The following LRP5 variants were observed in gnomAD, a reference collection of about 807,000 sequenced individuals.
The protein encoded by LRP5 is low-density lipoprotein receptor-related protein 5.
In LRP5, 62 loss-of-function variants were observed where a neutral mutation model predicts 154.1. The ratio of observed to expected loss-of-function variants is 0.40; its 90% CI spans 0.33 to 0.50. The LOEUF is 0.50. Ranked by LOEUF, LRP5 falls within the 20% of genes least tolerant of loss-of-function variation. The probability of loss-of-function intolerance (pLI) is 0.55; values close to 1 mark genes in which losing one functional copy is unlikely to be tolerated. For synonymous variants in LRP5, 966 were observed against 1,011.5 expected (o/e 0.96, Z 0.85); for missense variants, 1,915 against 2,336.7 (o/e 0.82, Z 3.72).
rs2098620540 is a variant in LRP5, at chr11:68,353,556, G to A, written c.489-4094G>A. 6.6e-6 allele frequency among the ~76,000 whole-genome samples: 1 copy of A among 152,180 alleles called. No homozygotes were observed. On this transcript the variant is annotated intron_variant, in intron 2 of 22. Coordinates refer to ENST00000294304, the MANE Select transcript of LRP5 (RefSeq NM_002335.4). This position sits in a 1 kb window ranked among gnomAD's most constrained non-coding sequence, Gnocchi z 4.5. ...GGCATAAGTGTGGGCGCTGAGTCCT[G>A]GGGCAGGACTGCTGTCCTGAGAGTG...
intron 4 of LRP5, 35 bp downstream of exon 4, chr11:68,363,978 G>A (rs778735083): frequency 8.4e-6 from 10 of 1,193,702 alleles, no homozygotes; most frequent in African/African-American, 1.6e-5. Context: ...GCGAGGGTGC[G>A]GGGGCTGGGG....
chr11:68,321,400 C>T (rs1048007614), intron 1 of LRP5, among the ~76,000 whole-genome samples: 5 of 152,178 alleles, frequency 3.3e-5, no homozygotes, highest in East Asian at 1.9e-4. Context: ...ACTTCAGAGC[C>T]GTCCTATCAG....
At chr11:68,388,619 C>T (rs1424552823) in intron 6 of LRP5, among the ~76,000 whole-genome samples, 1 of 152,164 alleles carries the variant, frequency 6.6e-6, no homozygotes, top group East Asian at 1.9e-4. Context: ...CTGTCCTTTG[C>T]ATAGGGGAGC....
At chr11:68,310,555 G>T (rs1191604833), upstream of LRP5, among the ~76,000 whole-genome samples, 1 of 152,210 alleles carries the variant, frequency 6.6e-6, no homozygotes, top group East Asian at 1.9e-4. Context: ...GGGAGGCAGA[G>T]GTTGTGGTGA....
At chr11:68,437,801 C>T (rs2098675856) in intron 19 of LRP5, among the ~76,000 whole-genome samples, 2 of 152,264 alleles carry the variant, frequency 1.3e-5, no homozygotes, top group South Asian at 4.1e-4. Flanking sequence ...TGGGCAAGTT[C>T]CCAGTCTGAC....
At chr11:68,342,473 G>A (rs1001151324) in intron 1 of LRP5, among the ~76,000 whole-genome samples, 2 of 152,202 alleles carry the variant, frequency 1.3e-5, no homozygotes, top group Non-Finnish European at 2.9e-5. Context: ...TGCTGGGGAA[G>A]GGCAGGGGCC....
the LRP5 span, among the ~76,000 whole-genome samples, chr11:68,304,966 T>A: frequency 6.6e-6 from 1 of 152,130 alleles, no homozygotes; most frequent in Admixed American, 6.6e-5. Context: ...GGAATGGGAT[T>A]TTTGAGTTAA....
intron 5 of LRP5, among the ~76,000 whole-genome samples, chr11:68,370,798 G>A (rs1186411532): frequency 6.6e-6 from 1 of 152,228 alleles, no homozygotes; most frequent in Admixed American, 6.5e-5. Context: ...TCTGGGCCGG[G>A]AACGTCCACA....
At chr11:68,322,924 C>T (rs74876779) in intron 1 of LRP5, among the ~76,000 whole-genome samples, 1,945 of 152,326 alleles carry the variant, frequency 0.013, 38 homozygotes, top group African/African-American at 0.044. Context: ...CCCGGGTCCA[C>T]GTGGTACCCA....
chr11:68,378,542 C>G lies in LRP5; in HGVS notation c.1016-7774C>G, dbSNP rs61887830. On this transcript the variant is annotated intron_variant, in intron 5 of 22. Transcript: ENST00000294304. ...ACCCACCTCCCACCTCCCTTAGAGA[C>G]CGAGAGCCTCTAAGGATAAACCCAT... Among the ~76,000 whole-genome samples the G allele has an allele frequency of 2.5e-3, 376 of 152,240 alleles. 1 individual carries two copies. The highest frequency in any genetic ancestry group is 6.8e-3 in the Middle Eastern group (2 of 294).
At chr11:68,324,480 C>T (rs1382964578) in intron 1 of LRP5, among the ~76,000 whole-genome samples, 2 of 152,146 alleles carry the variant, frequency 1.3e-5, no homozygotes, top group Admixed American at 6.5e-5. Flanking sequence ...CGAGGGCTCA[C>T]GGATTCTCAC....
Position 68,348,067 on chromosome 11 carries a change from C to T in LRP5, c.312C>T (p.Ile104=). The T allele has an allele frequency of 1.9e-6, 3 of 1,614,124 alleles. No homozygotes were observed. The highest frequency in any genetic ancestry group is 2.5e-6 in the Non-Finnish European group (3 of 1,180,048). Reference sequence around the variant, plus strand: ...GGGCCGCCGTGCAGAACGTGGTCATCTCCGGCCTGGTCTCTCCCGACGGCC... The same window carrying T: ...GGGCCGCCGTGCAGAACGTGGTCATTTCCGGCCTGGTCTCTCCCGACGGCC... The part of the protein sequence containing the change: ...QTGAAVQNVV[I]SGLVSPDGLA... Residue 104 remains isoleucine (I), a synonymous_variant, in exon 2 of 23, where the codon ATC becomes ATT. Coordinates refer to ENST00000294304, the MANE Select transcript of LRP5 (RefSeq NM_002335.4).
chr11:68,307,879 C>T (rs1474347888), upstream of LRP5, among the ~76,000 whole-genome samples: 1 of 152,174 alleles, frequency 6.6e-6, no homozygotes, highest in African/African-American at 2.4e-5. Flanking sequence ...ATTGGAGGTT[C>T]ACATCAGCAC....
intron 5 of LRP5, among the ~76,000 whole-genome samples, chr11:68,375,788 C>G (rs656583): frequency 0.93 from 141,306 of 152,286 alleles, 66,442 homozygotes; most frequent in East Asian, 1. Context: ...CTCTGGGGAT[C>G]TGATTGAACG....
Position 68,410,059 on chromosome 11 carries a change from G to T in LRP5, c.2237G>T (p.Arg746Leu), listed in dbSNP as rs766548006. Reference sequence around the variant, plus strand: ...GGGACCAACAGAATCGAAGTGGCGCGGCTGGACGGGCAGTTCCGGCAAGTC... The same window carrying T: ...GGGACCAACAGAATCGAAGTGGCGCTGCTGGACGGGCAGTTCCGGCAAGTC... ...DTGTNRIEVA[R>L]LDGQFRQVLV... Residue 746 changes from arginine to leucine, a missense_variant, in exon 10 of 23, where the codon CGG (arginine) becomes CTG (leucine). Arg to Leu is a moderately radical substitution (Grantham distance 102, BLOSUM62 -2). Transcript: ENST00000294304. 6.2e-7 allele frequency: 1 copy of T among 1,614,012 alleles called. No individual in the cohort carries two copies. Among genetic ancestry groups the T allele is most frequent in the East Asian group, 2.2e-5 (1 of 44,880 alleles).
At chr11:68,407,094 C>T (rs967530448) in intron 9 of LRP5, among the ~76,000 whole-genome samples, 16 of 152,056 alleles carry the variant, frequency 1.1e-4, no homozygotes, top group Middle Eastern at 3.4e-3. Flanking sequence ...ACTCCCTTGT[C>T]GGTGCCCGTT....
chr11:68,397,680 G>A (rs1344954137), intron 7 of LRP5, among the ~76,000 whole-genome samples: 2 of 152,084 alleles, frequency 1.3e-5, no homozygotes, highest in African/African-American at 2.4e-5. Flanking sequence ...TTGTCATTTC[G>A]CTTGTCTGTG....
intron 8 of LRP5, chr11:68,403,986 C>T: frequency 1.9e-6 from 1 of 528,288 alleles, no homozygotes; most frequent in Non-Finnish European, 3.4e-6. Flanking sequence ...TTCGTGCCCA[C>T]AGTGACCCCG....
intron 1 of LRP5, among the ~76,000 whole-genome samples, chr11:68,341,184 G>A (rs937436175): frequency 3.3e-5 from 5 of 151,586 alleles, no homozygotes; most frequent in Non-Finnish European, 5.9e-5. Context: ...GGGAGAGGGC[G>A]TAATTATTTT....
Sources: gnomAD v4.1 joint callset for allele counts (sites outside exome capture counted in the v4.1 genomes callset) on GRCh38, gnomAD v4.1.1 for gene constraint, Gnocchi (gnomAD v3.1) non-coding constraint, MANE v1.5 for transcripts, NCBI Gene and HGNC (gene_info 2026-07-23, HGNC 2026-07-21) for gene names.